The following TOX2 variants were observed in gnomAD, a reference collection of about 807,000 sequenced individuals.
TOX2 encodes granulosa cell HMG box 1.
A neutral mutation model predicts 47.4 loss-of-function variants in TOX2; 15 were observed. That is an observed-to-expected ratio of 0.32 (90% CI 0.21 to 0.49). The LOEUF (loss-of-function observed/expected upper bound fraction) is 0.49. TOX2 is among the 20% of genes least tolerant of loss of function. The pLI, the probability that TOX2 is intolerant of heterozygous loss-of-function variation, is 0.99. For missense variants in TOX2, 622 were observed against 673.1 expected (o/e 0.92, Z 0.84); for synonymous variants, 290 against 296.6 (o/e 0.98, Z 0.23).
chr20:44,001,013 T>G (rs755848051), intron 2 of TOX2, among the ~76,000 whole-genome samples: 1 of 152,000 alleles, frequency 6.6e-6, no homozygotes, highest in Non-Finnish European at 1.5e-5. Context: ...GAAAACATGA[T>G]TGGAGTGGGT....
intron 1 of TOX2, among the ~76,000 whole-genome samples, chr20:43,936,308 A>G (rs1360785600): frequency 6.6e-6 from 1 of 152,200 alleles, no homozygotes; most frequent in African/African-American, 2.4e-5. Context: ...TAGACCAGAC[A>G]CATGTTCTTT....
intron 1 of TOX2, among the ~76,000 whole-genome samples, chr20:43,968,208 T>C (rs2069895207): frequency 6.6e-6 from 1 of 152,196 alleles, no homozygotes; most frequent in East Asian, 1.9e-4. Context: ...CTTCCTCCTT[T>C]CCATCCATTC....
intron 3 of TOX2, among the ~76,000 whole-genome samples, chr20:44,032,845 T>G (rs2145692885): frequency 6.6e-6 from 1 of 152,308 alleles, no homozygotes; most frequent in African/African-American, 2.4e-5. Flanking sequence ...ACAAATTGCT[T>G]TTCATTTCTC....
At chr20:43,984,071 T>C (rs143721794) in intron 2 of TOX2, among the ~76,000 whole-genome samples, 11 of 152,340 alleles carry the variant, frequency 7.2e-5, no homozygotes, top group African/African-American at 2.6e-4. Flanking sequence ...CGATTCATAT[T>C]AAAATGAAAT....
At chr20:44,058,493 C>T (rs2071661479) in intron 5 of TOX2, among the ~76,000 whole-genome samples, 1 of 152,210 alleles carries the variant, frequency 6.6e-6, no homozygotes, top group Non-Finnish European at 1.5e-5. Context: ...CTCCATGGCC[C>T]CGCCCACCAC....
At chr20:43,974,508 A>G (rs2070038080) in intron 2 of TOX2, among the ~76,000 whole-genome samples, 1 of 152,206 alleles carries the variant, frequency 6.6e-6, no homozygotes, top group Non-Finnish European at 1.5e-5. Context: ...AAGGAGGGTT[A>G]TAGCTGCTGA....
At chr20:43,988,805 A>G (rs1409280755) in intron 2 of TOX2, among the ~76,000 whole-genome samples, 2 of 152,068 alleles carry the variant, frequency 1.3e-5, no homozygotes, top group East Asian at 1.9e-4. Context: ...ACAGGGATAT[A>G]CACACACACA....
At chr20:43,965,831 C>T (rs536792010) in intron 1 of TOX2, among the ~76,000 whole-genome samples, 1 of 152,186 alleles carries the variant, frequency 6.6e-6, no homozygotes, top group South Asian at 2.1e-4. Context: ...GAGAGAGATA[C>T]CTTTTCAGAC....
rs1600675296 is a variant in TOX2 at position 43,951,527 on chromosome 20, A to C, written c.100-21840A>C. Among the ~76,000 whole-genome samples the C allele has an allele frequency of 3.9e-5, 6 of 152,092 alleles. 1 individual carries two copies. In the South Asian group the frequency reaches 1.2e-3, roughly 32 times the overall value. On this transcript the variant is annotated intron_variant, in intron 1 of 8. Coordinates refer to ENST00000341197, the MANE Select transcript of TOX2 (RefSeq NM_001098797.2). ...AGGAGGCGGAGGTTGCAGTGAGCTG[A>C]GATCGTGCCATTGCAATCCAGCCTG...
intron 3 of TOX2, among the ~76,000 whole-genome samples, chr20:44,042,310 T>C (rs2071345671): frequency 6.6e-6 from 1 of 152,128 alleles, no homozygotes; most frequent in South Asian, 2.1e-4. Flanking sequence ...CCACAACATG[T>C]GGGAATTACA....
rs1278039695 is a variant in TOX2, at chr20:43,915,407, G to A, written c.99+417G>A. Among the ~76,000 whole-genome samples the A allele has an allele frequency of 1.3e-5, 2 of 152,056 alleles. No homozygotes were observed. Among genetic ancestry groups the A allele is most frequent in the African/African-American group, 4.8e-5 (2 of 41,406 alleles). On this transcript the variant is annotated intron_variant, in intron 1 of 8. Coordinates refer to ENST00000341197, the MANE Select transcript of TOX2 (RefSeq NM_001098797.2). This position sits in a 1 kb window ranked among gnomAD's most constrained non-coding sequence, Gnocchi z 7.1. Reference sequence around the variant, plus strand: ...CACCGCCACAGACGAGTCACCCACAGACGCTCCGATGCCCCACACACCGTG... The same window carrying A: ...CACCGCCACAGACGAGTCACCCACAAACGCTCCGATGCCCCACACACCGTG...
chr20:43,999,493 GA>G (rs2070538338), intron 2 of TOX2, among the ~76,000 whole-genome samples: 1 of 151,988 alleles, frequency 6.6e-6, no homozygotes, highest in African/African-American at 2.4e-5. Context: ...TAACATCTAA[GA>G]GAATAAAATA....
chr20:44,014,764 G>T (rs923805856), intron 3 of TOX2, among the ~76,000 whole-genome samples: 9 of 152,174 alleles, frequency 5.9e-5, no homozygotes, highest in African/African-American at 2.2e-4. Flanking sequence ...TTATTGACGG[G>T]GTTGGGGTGG....
At position 43,928,981 on chromosome 20, in the gene TOX2, G is replaced by GAAAAAAAAAAAAA. The variant is rs575418660; in HGVS notation, c.99+13997_99+14009dup. ...GAAACCCTGTCTCTACTAAAAATAT[G>GAAAAAAAAAAAAA]AAAAAAAAAAAAAAAAAACAACAAC... On this transcript the variant is annotated intron_variant, in intron 1 of 8. Transcript: ENST00000341197. Among the ~76,000 whole-genome samples, 82 of 86,056 alleles carry GAAAAAAAAAAAAA rather than the reference G, an allele frequency of 9.5e-4. 2 individuals are homozygous for GAAAAAAAAAAAAA. The highest frequency in any genetic ancestry group is 3.3e-3 in the African/African-American group (66 of 20,140). 56.5% of individuals were successfully genotyped at this position (86,056 alleles called of 152,430 possible). A position where few individuals can be genotyped will look rare whatever the true frequency, so the allele number is the denominator to read the frequency against.
In TOX2 at chr20:44,068,983, A is replaced by T. The variant is rs2071889294; in HGVS notation, c.*297A>T. On this transcript the variant is annotated 3_prime_UTR_variant, in exon 9 of 9. Coordinates refer to ENST00000341197, the MANE Select transcript of TOX2 (RefSeq NM_001098797.2). ...TGCGCACGGTACCCTATGTCTGGAC[A>T]CCCGGCCCCAGCTCCAGCCCCAGCC... 1.9e-6 allele frequency: 1 copy of T among 528,934 alleles called. No homozygotes were observed. Among genetic ancestry groups the T allele is most frequent in the African/African-American group, 1.9e-5 (1 of 53,272 alleles). The allele number at this position is 528,934 out of a possible 1,614,324, so 32.8% of individuals were successfully genotyped here.
At chr20:43,985,952 A>C (rs569707490) in intron 2 of TOX2, among the ~76,000 whole-genome samples, 24 of 152,176 alleles carry the variant, frequency 1.6e-4, no homozygotes, top group Non-Finnish European at 2.9e-4. Context: ...ATGGGGAAGG[A>C]GGGCTCTGAG....
At chr20:44,065,010 A>G (rs2143495) in intron 6 of TOX2, among the ~76,000 whole-genome samples, 153 bp downstream of exon 6, 114,434 of 152,168 alleles carry the variant, frequency 0.75, 43,364 homozygotes, top group African/African-American at 0.84. Context: ...CACCTACAGC[A>G]TGCCAGGCTC....
intron 5 of TOX2, among the ~76,000 whole-genome samples, chr20:44,057,599 A>AAG: frequency 6.6e-6 from 1 of 152,364 alleles, no homozygotes. Flanking sequence ...TTAGAAAAAT[A>AAG]AGAAAACCTT....
chr20:44,064,192 A>G (rs928808169), intron 5 of TOX2, among the ~76,000 whole-genome samples: 5 of 152,220 alleles, frequency 3.3e-5, no homozygotes, highest in Non-Finnish European at 7.3e-5. Flanking sequence ...CAGTCTCTGC[A>G]TGCATCACAT....
Sources: gnomAD v4.1 joint callset for allele counts (sites outside exome capture counted in the v4.1 genomes callset) on GRCh38, gnomAD v4.1.1 for gene constraint, Gnocchi (gnomAD v3.1) non-coding constraint, MANE v1.5 for transcripts, NCBI Gene and HGNC (gene_info 2026-07-23, HGNC 2026-07-21) for gene names.